Variants in SRGAP3 observed in about 807,000 individuals in gnomAD.
SRGAP3 encodes the protein SLIT-ROBO Rho GTPase-activating protein 3.
In SRGAP3, 39 loss-of-function variants were observed where a neutral mutation model predicts 121.1. That is an observed-to-expected ratio of 0.32 (90% confidence interval 0.25 to 0.42). The LOEUF is 0.42. SRGAP3 is among the 10% of genes least tolerant of loss of function. The probability of loss-of-function intolerance (pLI) is 1.00; values close to 1 mark genes in which losing one functional copy is unlikely to be tolerated. For missense variants in SRGAP3, 1,213 were observed against 1,470.6 expected, an observed-to-expected ratio of 0.82 and a Z score of 2.86; for synonymous variants, 601 against 570.0, an observed-to-expected ratio of 1.05 and a Z score of -0.77.
chr3:9,190,075 T>C (rs1441775138), intron 1 of SRGAP3, among the ~76,000 whole-genome samples: 1 of 152,176 alleles, frequency 6.6e-6, no homozygotes, highest in Non-Finnish European at 1.5e-5. Flanking sequence ...AAGTAACCCA[T>C]CCAATATCCC....
intron 1 of SRGAP3, among the ~76,000 whole-genome samples, chr3:9,205,469 A>G (rs536365226): frequency 2.0e-4 from 31 of 152,376 alleles, no homozygotes; most frequent in African/African-American, 6.7e-4. Context: ...TCACGTTTAC[A>G]GAATATATCT....
chr3:9,011,317 A>G (rs1396479565), intron 17 of SRGAP3, among the ~76,000 whole-genome samples: 9 of 152,212 alleles, frequency 5.9e-5, no homozygotes, highest in Non-Finnish European at 1.5e-5. Context: ...AAAGGAGTTG[A>G]CATTTGCAAT....
intron 4 of SRGAP3, among the ~76,000 whole-genome samples, chr3:9,079,772 C>T (rs1947153631): frequency 6.6e-6 from 1 of 152,216 alleles, no homozygotes; most frequent in African/African-American, 2.4e-5. Context: ...ACACGCCCCA[C>T]AGCGGCAGGT....
At chr3:9,086,538 A>G in intron 3 of SRGAP3, among the ~76,000 whole-genome samples, 1 of 142,002 alleles carries the variant, frequency 7.0e-6, no homozygotes, top group Non-Finnish European at 1.5e-5. Flanking sequence ...AAAAAAAAAA[A>G]CCATATATAC....
intron 3 of SRGAP3, among the ~76,000 whole-genome samples, chr3:9,280,077 C>G (rs1259183363): frequency 6.6e-6 from 1 of 152,188 alleles, no homozygotes; most frequent in Admixed American, 6.5e-5. Flanking sequence ...GAAACCATAG[C>G]GACCACAAGT....
intron 3 of SRGAP3, among the ~76,000 whole-genome samples, chr3:9,087,606 C>T (rs1239257929): frequency 6.6e-6 from 1 of 152,126 alleles, no homozygotes; most frequent in Non-Finnish European, 1.5e-5. Context: ...GGCACGGAGA[C>T]TGGGGATGGT....
intron 3 of SRGAP3, among the ~76,000 whole-genome samples, chr3:9,276,428 GTT>G (rs61126627): frequency 8.2e-4 from 111 of 134,722 alleles, no homozygotes; most frequent in East Asian, 5.7e-3. Context: ...TTGACTGTTT[GTT>G]TTTTTTTTTT....
intron 1 of SRGAP3, among the ~76,000 whole-genome samples, chr3:9,210,284 G>A (rs1952404425): frequency 6.6e-6 from 1 of 152,110 alleles, no homozygotes; most frequent in South Asian, 2.1e-4. Flanking sequence ...ACTTAAAATG[G>A]GTGAATTTTG....
At chr3:9,208,402 A>G (rs1574870974) in intron 1 of SRGAP3, among the ~76,000 whole-genome samples, 1 of 152,118 alleles carries the variant, frequency 6.6e-6, no homozygotes, top group South Asian at 2.1e-4. Context: ...CCGAGATCCA[A>G]CTGCCAAGAG....
intron 5 of SRGAP3, among the ~76,000 whole-genome samples, chr3:9,064,007 C>CCCTA (rs1338462940): frequency 6.6e-6 from 1 of 152,228 alleles, no homozygotes; most frequent in African/African-American, 2.4e-5. Context: ...CACCCCCCGC[C>CCCTA]CCTACCCTTG....
Position 8,990,504 on chromosome 3 carries a change from G to T in SRGAP3, c.2886+8C>A. 1 of 1,552,168 alleles carries T rather than the reference G, an allele frequency of 6.4e-7. No individual in the cohort carries two copies. ...GGCTGCCCAGCCTGCCTTCCCGCTG[G>T]CCCTTACTTCTGCCAGGGCCTCGGC... On this transcript the variant is annotated splice_region_variant and intron_variant, in intron 21 of 21. Transcript: ENST00000383836.
intron 12 of SRGAP3, among the ~76,000 whole-genome samples, chr3:9,030,215 C>G (rs762699687): frequency 1.3e-4 from 20 of 152,174 alleles, no homozygotes; most frequent in Non-Finnish European, 2.5e-4. Context: ...AACAAACACA[C>G]CTTTTTTCCC....
intron 18 of SRGAP3, among the ~76,000 whole-genome samples, chr3:9,002,594 G>C (rs911402066): frequency 2.6e-5 from 4 of 152,032 alleles, no homozygotes; most frequent in African/African-American, 9.7e-5. Flanking sequence ...AAAGATTAGA[G>C]CAGAAATTAA....
intron 2 of SRGAP3, among the ~76,000 whole-genome samples, chr3:9,326,496 C>T (rs1185460815): frequency 6.6e-6 from 1 of 151,770 alleles, no homozygotes; most frequent in South Asian, 2.1e-4. Context: ...TTTTCCATGG[C>T]GAGTCATGGA....
chr3:9,357,563 T>C (rs564135740), intron 1 of SRGAP3, among the ~76,000 whole-genome samples: 10 of 145,404 alleles, frequency 6.9e-5, no homozygotes, highest in Admixed American at 4.2e-4. Context: ...CCTTAAGGAA[T>C]AGAGAATGTT....
chr3:9,068,123 G>T (rs542736748), intron 4 of SRGAP3, among the ~76,000 whole-genome samples: 1 of 152,026 alleles, frequency 6.6e-6, no homozygotes. Flanking sequence ...CCCCGTCTGC[G>T]TTCAATGATT....
intron 3 of SRGAP3, among the ~76,000 whole-genome samples, chr3:9,259,470 ATT>A (rs1293662260): frequency 1.3e-5 from 2 of 151,958 alleles, no homozygotes; most frequent in African/African-American, 4.8e-5. Context: ...TGCCCAGCTA[ATT>A]TTTTTATTTT....
In SRGAP3 at chr3:9,159,847, T is replaced by A. The variant is rs11713237; in HGVS notation, c.68-34930A>T. ...ATACTGTCACCCTGCCCGTTATTTT[T>A]TTAAATGATGATATACACTGCAAAA... On this transcript the variant is annotated intron_variant, in intron 1 of 21. Coordinates refer to ENST00000383836, the MANE Select transcript of SRGAP3 (RefSeq NM_014850.4). Among the ~76,000 whole-genome samples, 905 of 152,286 alleles carry A rather than the reference T, an allele frequency of 5.9e-3. 5 individuals carry two copies. Among genetic ancestry groups the A allele is most frequent in the Middle Eastern group, 0.014 (4 of 294 alleles).
intron 21 of SRGAP3, 108 bp downstream of exon 21, chr3:8,990,404 A>G (rs1941965008): frequency 2.9e-6 from 4 of 1,383,190 alleles, no homozygotes. Context: ...TCTCTGGCTT[A>G]GCCATGAGCC....
Sources: gnomAD v4.1 joint callset for allele counts (sites outside exome capture counted in the v4.1 genomes callset) on GRCh38, gnomAD v4.1.1 for gene constraint, MANE v1.5 for transcripts, NCBI Gene and HGNC (gene_info 2026-07-23, HGNC 2026-07-21) for gene names.